Variants in ADGRL2 observed in about 807,000 individuals in gnomAD.
ADGRL2 encodes adhesion G protein-coupled receptor L2, also known as calcium-independent alpha-latrotoxin receptor 2.
Under a neutral mutation model 157.4 loss-of-function variants are expected in ADGRL2, and 44 were observed. The ratio of observed to expected loss-of-function variants is 0.28; its 90% CI spans 0.22 to 0.36. The LOEUF (loss-of-function observed/expected upper bound fraction) is 0.36, where lower values mean the gene tolerates loss of function less well. ADGRL2 is among the 10% of genes least tolerant of loss of function. ADGRL2 has a pLI of 1.00. For missense variants in ADGRL2, 1,510 were observed against 1,768.9 expected, an observed-to-expected ratio of 0.85 and a Z score of 2.63; for synonymous variants, 585 against 624.7, an observed-to-expected ratio of 0.94 and a Z score of 0.95.
chr1:81,335,070 G>A (rs1661540102), intron 1 of ADGRL2, among the ~76,000 whole-genome samples: 1 of 152,072 alleles, frequency 6.6e-6, no homozygotes. Flanking sequence ...AATGAAGTTA[G>A]GTAACTTGCC....
At chr1:81,508,513 T>A (rs1345546946) in intron 2 of ADGRL2, among the ~76,000 whole-genome samples, 1 of 152,154 alleles carries the variant, frequency 6.6e-6, no homozygotes, top group Non-Finnish European at 1.5e-5. Context: ...AATAGACACA[T>A]ATATTGCATG....
At chr1:81,370,571 C>T (rs181185007) in intron 1 of ADGRL2, among the ~76,000 whole-genome samples, 1 of 152,172 alleles carries the variant, frequency 6.6e-6, no homozygotes, top group Non-Finnish European at 1.5e-5. Context: ...ATATAGGCAT[C>T]CTAAAAATAC....
At chr1:81,955,523 C>CT (rs1653210297) in intron 10 of ADGRL2, among the ~76,000 whole-genome samples, 1 of 152,122 alleles carries the variant, frequency 6.6e-6, no homozygotes, top group South Asian at 2.1e-4. Flanking sequence ...AATAGGATGA[C>CT]TTTAGTAGTT....
chr1:81,875,705 G>C (rs2093821666), intron 2 of ADGRL2, among the ~76,000 whole-genome samples: 1 of 152,088 alleles, frequency 6.6e-6, no homozygotes, highest in South Asian at 2.1e-4. Flanking sequence ...TTGATATGTA[G>C]TCTGTCCTTT....
At chr1:81,714,030 C>T (rs1424380549) in intron 1 of ADGRL2, among the ~76,000 whole-genome samples, 1 of 152,098 alleles carries the variant, frequency 6.6e-6, no homozygotes, top group Non-Finnish European at 1.5e-5. Context: ...AGGGTGTGTG[C>T]AGGGGAACTG....
chr1:81,618,052 GGT>G (rs1557510539), intron 3 of ADGRL2, among the ~76,000 whole-genome samples: 1 of 149,346 alleles, frequency 6.7e-6, no homozygotes, highest in African/African-American at 2.4e-5. Flanking sequence ...TATTGTTAAA[GGT>G]TATGTTGGGT....
chr1:81,726,953 A>G (rs1396504844), intron 1 of ADGRL2, among the ~76,000 whole-genome samples: 5 of 152,322 alleles, frequency 3.3e-5, no homozygotes, highest in African/African-American at 1.2e-4. Flanking sequence ...CATATATGGA[A>G]CCAAGTTTAC....
At chr1:81,859,910 G>A (rs551012864) in intron 2 of ADGRL2, among the ~76,000 whole-genome samples, 1 of 151,536 alleles carries the variant, frequency 6.6e-6, no homozygotes, top group Non-Finnish European at 1.5e-5. Context: ...TTCTTGGAAT[G>A]TTTCACTGTT....
At chr1:81,417,892 C>G (rs1212935141) in intron 1 of ADGRL2, among the ~76,000 whole-genome samples, 3 of 152,180 alleles carry the variant, frequency 2.0e-5, no homozygotes, top group African/African-American at 7.2e-5. Flanking sequence ...CAACCACCAC[C>G]TCCAGTCAAA....
At chr1:81,952,583 G>A (rs932698917) in intron 9 of ADGRL2, among the ~76,000 whole-genome samples, 8 of 152,066 alleles carry the variant, frequency 5.3e-5, no homozygotes, top group Middle Eastern at 3.2e-3. Flanking sequence ...ACAAGTTGCC[G>A]TCTCCAGGAA....
chr1:81,390,660 A>G (rs1439656433), intron 1 of ADGRL2, among the ~76,000 whole-genome samples: 1 of 152,308 alleles, frequency 6.6e-6, no homozygotes, highest in African/African-American at 2.4e-5. Flanking sequence ...TTTCATACAG[A>G]AAGGGAATTA....
At chr1:81,672,943 T>A (rs1232885621) in intron 3 of ADGRL2, among the ~76,000 whole-genome samples, 1 of 152,206 alleles carries the variant, frequency 6.6e-6, no homozygotes, top group Non-Finnish European at 1.5e-5. Context: ...TGGCACCACA[T>A]TGACTGGCCA....
intron 1 of ADGRL2, among the ~76,000 whole-genome samples, chr1:81,401,418 T>C (rs1398935900): frequency 6.3e-5 from 2 of 31,562 alleles, no homozygotes; most frequent in African/African-American, 7.1e-5. Flanking sequence ...TCCTCCTGGT[T>C]CCCAGCTGCG....
chr1:81,511,452 A>G (rs979849950), intron 2 of ADGRL2, among the ~76,000 whole-genome samples: 3 of 151,386 alleles, frequency 2.0e-5, no homozygotes, highest in Non-Finnish European at 4.4e-5. Context: ...AAACACCAAC[A>G]CCAAAGGCCA....
chr1:81,422,433 C>CG (rs2077142511), intron 1 of ADGRL2, among the ~76,000 whole-genome samples: 1 of 152,090 alleles, frequency 6.6e-6, no homozygotes, highest in African/African-American at 2.4e-5. Flanking sequence ...TCAGTGGAGA[C>CG]GGGGTTTCAC....
At chr1:81,473,081 G>C (rs886845947) in intron 2 of ADGRL2, among the ~76,000 whole-genome samples, 2 of 151,382 alleles carry the variant, frequency 1.3e-5, no homozygotes, top group Admixed American at 6.6e-5. Context: ...TAGAGGGAGG[G>C]AGGAGAGAGG....
intron 2 of ADGRL2, among the ~76,000 whole-genome samples, chr1:81,864,701 C>T (rs952491402): frequency 1.3e-5 from 2 of 152,146 alleles, no homozygotes; most frequent in Non-Finnish European, 2.9e-5. Context: ...GTGGCTCACA[C>T]CTGTAATCCC....
intron 1 of ADGRL2, among the ~76,000 whole-genome samples, chr1:81,365,578 C>T (rs529508506): frequency 5.4e-4 from 82 of 152,170 alleles, no homozygotes; most frequent in African/African-American, 1.9e-3. Flanking sequence ...ATAAGTGAGA[C>T]GACAGTTTTG....
At chr1:81,809,855 C>CA (rs1455296930) in intron 1 of ADGRL2, among the ~76,000 whole-genome samples, 4 of 151,892 alleles carry the variant, frequency 2.6e-5, no homozygotes, top group African/African-American at 7.2e-5. Flanking sequence ...AATGGTATGA[C>CA]ATAAATATCT....
Sources: allele counts gnomAD v4.1 joint callset (sites outside exome capture counted in the v4.1 genomes callset), GRCh38; gene constraint gnomAD v4.1.1; transcripts MANE v1.5; gene names NCBI Gene and HGNC (gene_info 2026-07-23, HGNC 2026-07-21).